THSD7B: variants seen among roughly 807,000 people sequenced by gnomAD.
THSD7B encodes thrombospondin type 1 domain containing 7B.
A neutral mutation model predicts 213.6 loss-of-function variants in THSD7B; 138 were observed. The ratio of observed to expected loss-of-function variants is 0.65; its 90% CI spans 0.56 to 0.74. The LOEUF (loss-of-function observed/expected upper bound fraction) is 0.74, where lower values mean the gene tolerates loss of function less well. THSD7B is among the 30% of genes least tolerant of loss of function. The pLI, the probability that THSD7B is intolerant of heterozygous loss-of-function variation, is 0.00. For synonymous variants in THSD7B, 742 were observed against 687.0 expected, an observed-to-expected ratio of 1.08 and a Z score of -1.25; for missense variants, 1,931 against 1,991.5, an observed-to-expected ratio of 0.97 and a Z score of 0.58.
chr2:137,061,066 T>C lies in THSD7B; in HGVS notation c.950+3836T>C, dbSNP rs893730770. 1.4e-4 allele frequency among the ~76,000 whole-genome samples: 22 copies of C among 151,912 alleles called. 1 individual carries two copies. Among genetic ancestry groups the C allele is most frequent in the Non-Finnish European group, 2.9e-4 (20 of 67,802 alleles). On this transcript the variant is annotated intron_variant, in intron 3 of 27. Coordinates refer to ENST00000409968, the MANE Select transcript of THSD7B (RefSeq NM_001316349.2). ...TTAAAAAAAATATATCTTGTACATA[T>C]TGTGTCAGATTTAGATTAATTTACC...
At chr2:137,248,894 A>G (rs1682103290) in intron 10 of THSD7B, among the ~76,000 whole-genome samples, 1 of 152,202 alleles carries the variant, frequency 6.6e-6, no homozygotes, top group African/African-American at 2.4e-5. Context: ...TTTTTGAGAA[A>G]TTAAACACAG....
rs560558872 is a variant in THSD7B at position 137,074,390 on chromosome 2, C to A, written c.950+17160C>A. 5.2e-3 allele frequency among the ~76,000 whole-genome samples: 790 copies of A among 151,920 alleles called. 2 individuals are homozygous for A. Among genetic ancestry groups the A allele is most frequent in the Non-Finnish European group, 7.8e-3 (528 of 67,958 alleles). On this transcript the variant is annotated intron_variant, in intron 3 of 27. Transcript: ENST00000409968. ...TTGTTGGTTTAAAGTCTGTTTTATCCGAGACTAGGATTGCAACCCCTGCCT... is the reference window on the plus strand; with the variant it reads ...TTGTTGGTTTAAAGTCTGTTTTATCAGAGACTAGGATTGCAACCCCTGCCT...
chr2:137,272,687 TC>T, intron 11 of THSD7B, 25 bp downstream of exon 11: 1 of 1,605,608 alleles, frequency 6.2e-7, no homozygotes, highest in East Asian at 2.2e-5. Context: ...TTTAAAATTA[TC>T]GTTAGACCTA....
At chr2:137,001,753 A>C (rs1048607529) in intron 2 of THSD7B, among the ~76,000 whole-genome samples, 15 of 151,954 alleles carry the variant, frequency 9.9e-5, no homozygotes, top group Non-Finnish European at 2.1e-4. Flanking sequence ...GCTTCAACCC[A>C]CTTTTTCGAA....
At chr2:136,897,625 C>T (rs546174856) in intron 2 of THSD7B, among the ~76,000 whole-genome samples, 80 of 152,258 alleles carry the variant, frequency 5.3e-4, no homozygotes, top group Admixed American at 1.3e-3. Flanking sequence ...AGCAGGTTGC[C>T]GCTGCGGGCT....
At chr2:136,983,332 A>AACACACACACACAGACACACAGACAC (rs1685614855) in intron 2 of THSD7B, among the ~76,000 whole-genome samples, 1 of 27,592 alleles carries the variant, frequency 3.6e-5, no homozygotes, top group African/African-American at 7.2e-5. Context: ...TTGTTGCTTC[A>AACACACACACACAGACACACAGACAC]ACACACACAC....
chr2:137,020,079 A>G (rs1686414978), intron 2 of THSD7B, among the ~76,000 whole-genome samples: 1 of 152,192 alleles, frequency 6.6e-6, no homozygotes, highest in Admixed American at 6.5e-5. Context: ...AGCTGTTATT[A>G]TAACTAGCTA....
intron 15 of THSD7B, among the ~76,000 whole-genome samples, chr2:137,556,603 G>C (rs1680974001): frequency 6.6e-6 from 1 of 152,178 alleles, no homozygotes. Flanking sequence ...AAATTGTAAA[G>C]ACCATCGATG....
At chr2:137,529,157 G>C (rs558910616) in intron 15 of THSD7B, among the ~76,000 whole-genome samples, 2 of 152,018 alleles carry the variant, frequency 1.3e-5, no homozygotes, top group East Asian at 3.9e-4. Context: ...TGAATTATTT[G>C]CTTTACGTGA....
At chr2:137,493,617 C>T (rs1306176883) in intron 15 of THSD7B, among the ~76,000 whole-genome samples, 2 of 152,274 alleles carry the variant, frequency 1.3e-5, no homozygotes, top group East Asian at 3.9e-4. Flanking sequence ...CTCGTGAGTC[C>T]AATTTTACCT....
At chr2:136,821,670 C>T (rs1446131289) in intron 1 of THSD7B, among the ~76,000 whole-genome samples, 1 of 152,194 alleles carries the variant, frequency 6.6e-6, no homozygotes, top group East Asian at 1.9e-4. Context: ...AGGAGCTCTG[C>T]AAAGTCTCCT....
intron 21 of THSD7B, among the ~76,000 whole-genome samples, chr2:137,654,160 G>T (rs1039321917): frequency 4.0e-5 from 6 of 151,868 alleles, no homozygotes; most frequent in African/African-American, 1.2e-4. Flanking sequence ...ATAGCATCTT[G>T]AGCCTAGGTT....
chr2:137,549,073 C>A (rs1680792495), intron 15 of THSD7B, among the ~76,000 whole-genome samples: 1 of 151,936 alleles, frequency 6.6e-6, no homozygotes, highest in African/African-American at 2.4e-5. Flanking sequence ...TTCCTCAAGC[C>A]TTTATTTCTT....
chr2:137,549,310 CTTTT>C (rs1027305359), intron 15 of THSD7B, among the ~76,000 whole-genome samples: 1 of 25,204 alleles, frequency 4.0e-5, no homozygotes, highest in African/African-American at 2.2e-4. Flanking sequence ...TTCAGATGCT[CTTTT>C]TTTTTTTTTT....
At chr2:136,999,069 A>G (rs1685954855) in intron 2 of THSD7B, among the ~76,000 whole-genome samples, 2 of 152,014 alleles carry the variant, frequency 1.3e-5, no homozygotes, top group Admixed American at 6.6e-5. Flanking sequence ...TCCTTTCAAC[A>G]TCTATTTTAT....
At chr2:137,022,293 T>C (rs547306744) in intron 2 of THSD7B, among the ~76,000 whole-genome samples, 6 of 152,328 alleles carry the variant, frequency 3.9e-5, no homozygotes, top group African/African-American at 1.4e-4. Context: ...CCATTTTGCA[T>C]TCTCACTAGT....
chr2:137,555,899 C>G (rs1260932247), intron 15 of THSD7B, among the ~76,000 whole-genome samples: 1 of 152,098 alleles, frequency 6.6e-6, no homozygotes, highest in Non-Finnish European at 1.5e-5. Flanking sequence ...GACGAATGCA[C>G]AAGCTTCAGT....
chr2:136,912,172 A>G (rs1223482364), intron 2 of THSD7B, among the ~76,000 whole-genome samples: 1 of 151,830 alleles, frequency 6.6e-6, no homozygotes, highest in Admixed American at 6.6e-5. Context: ...AAATACAAAA[A>G]TTAGCCGGGT....
At chr2:137,606,297 A>C (rs1392684215) in intron 17 of THSD7B, among the ~76,000 whole-genome samples, 1 of 152,124 alleles carries the variant, frequency 6.6e-6, no homozygotes, top group Admixed American at 6.5e-5. Flanking sequence ...GAAAGAATGG[A>C]CCTAGATCGA....
Sources: gnomAD v4.1 joint callset for allele counts (sites outside exome capture counted in the v4.1 genomes callset) on GRCh38, gnomAD v4.1.1 for gene constraint, MANE v1.5 for transcripts, NCBI Gene and HGNC (gene_info 2026-07-23, HGNC 2026-07-21) for gene names.